Variants in THADA observed in about 807,000 individuals in gnomAD.
THADA encodes the protein THADA armadillo repeat containing, also known as tRNA (32-2'-O)-methyltransferase regulator THADA.
In THADA, 213 loss-of-function variants were observed where a neutral mutation model predicts 219.8. The observed-to-expected ratio is 0.97, with a 90% CI of 0.87 to 1.09. THADA has a LOEUF of 1.09. Among genes scored for constraint, THADA ranks in the 50% least tolerant of loss-of-function variants. THADA has a pLI of 0.00. For missense variants in THADA, 2,956 were observed against 2,311.3 expected (o/e 1.28, Z -5.72); for synonymous variants, 1,018 against 828.9 (o/e 1.23, Z -3.92).
chr2:43,422,601 T>G (rs1677854030), intron 28 of THADA, among the ~76,000 whole-genome samples: 1 of 152,252 alleles, frequency 6.6e-6, no homozygotes, highest in South Asian at 2.1e-4. Flanking sequence ...AAAACTGCTA[T>G]GAAGCCAGAT....
Position 43,340,799 on chromosome 2 carries a change from G to A in THADA, c.4343+3323C>T, listed in dbSNP as rs553711769. Among the ~76,000 whole-genome samples, 355 of 152,262 alleles carry A rather than the reference G, an allele frequency of 2.3e-3. 2 individuals are homozygous for A. Among genetic ancestry groups the A allele is most frequent in the Non-Finnish European group, 4.1e-3 (279 of 68,012 alleles). On this transcript the variant is annotated intron_variant, in intron 30 of 37. Transcript: ENST00000405975. Reference sequence around the variant, plus strand: ...TGCACTGTAATATCTTCATGGGAAAGGCAGGTGAGAAAGTAAAGACAGGGG... The same window carrying A: ...TGCACTGTAATATCTTCATGGGAAAAGCAGGTGAGAAAGTAAAGACAGGGG...
At chr2:43,339,801 G>C (rs1666875117) in intron 30 of THADA, among the ~76,000 whole-genome samples, 2 of 152,174 alleles carry the variant, frequency 1.3e-5, no homozygotes, top group South Asian at 4.1e-4. Flanking sequence ...GAATCTGCAA[G>C]CAGCAAGGGT....
At chr2:43,566,226 A>G (rs954363631) in intron 15 of THADA, 1 of 449,816 alleles carries the variant, frequency 2.2e-6, no homozygotes, top group African/African-American at 2.0e-5. Flanking sequence ...AAATCAGAAT[A>G]CTTGGAAATT....
At chr2:43,417,037 C>CTT (rs67993873) in intron 28 of THADA, among the ~76,000 whole-genome samples, 9,516 of 93,450 alleles carry the variant, frequency 0.1, 365 homozygotes, top group Non-Finnish European at 0.12. Flanking sequence ...TGGCTGTTTT[C>CTT]TTTTTTTTTT....
chr2:43,360,792 T>C (rs1373843990), intron 29 of THADA, among the ~76,000 whole-genome samples: 3 of 152,218 alleles, frequency 2.0e-5, no homozygotes, highest in East Asian at 1.9e-4. Flanking sequence ...GAAGTTGTTA[T>C]GGATTTTCCA....
chr2:43,534,633 G>A (rs79676808), intron 21 of THADA, among the ~76,000 whole-genome samples: 2,995 of 152,168 alleles, frequency 0.02, 110 homozygotes, highest in African/African-American at 0.068. Context: ...ATGTAGCTGC[G>A]AATGACAGTA....
At chr2:43,547,397 G>C (rs1382765457) in intron 20 of THADA, among the ~76,000 whole-genome samples, 2 of 152,262 alleles carry the variant, frequency 1.3e-5, no homozygotes, top group East Asian at 3.9e-4. Flanking sequence ...TGTATTTCCT[G>C]AATCTGAATG....
chr2:43,351,634 G>A lies in THADA; in HGVS notation c.4228-7397C>T, dbSNP rs373301844. On this transcript the variant is annotated intron_variant, in intron 29 of 37. Coordinates refer to ENST00000405975, the MANE Select transcript of THADA (RefSeq NM_022065.5). ...ATACTATCCTTTTCTAGAGTATAGA[G>A]CTCTTTATCTGGCAGGGAGAGGGGC... Among the ~76,000 whole-genome samples the A allele has an allele frequency of 1.1e-3, 160 of 152,280 alleles. 1 individual carries two copies. Among genetic ancestry groups the A allele is most frequent in the African/African-American group, 3.7e-3 (152 of 41,558 alleles).
At chr2:43,583,829 G>A (rs762290845) in intron 7 of THADA, among the ~76,000 whole-genome samples, 6 of 151,978 alleles carry the variant, frequency 3.9e-5, no homozygotes, top group African/African-American at 7.2e-5. Context: ...GACTGCTTGC[G>A]CTTAAGAGTT....
intron 28 of THADA, among the ~76,000 whole-genome samples, chr2:43,427,213 CT>C (rs1405638451): frequency 6.6e-6 from 1 of 152,196 alleles, no homozygotes; most frequent in East Asian, 1.9e-4. Flanking sequence ...GGCAGATGTC[CT>C]GACATCCTCT....
intron 29 of THADA, among the ~76,000 whole-genome samples, chr2:43,388,630 G>C (rs1173080555): frequency 6.6e-6 from 1 of 152,176 alleles, no homozygotes; most frequent in Non-Finnish European, 1.5e-5. Context: ...CAACCTGATA[G>C]GCAAGAACTC....
intron 29 of THADA, among the ~76,000 whole-genome samples, chr2:43,385,259 C>T (rs955422105): frequency 1.3e-5 from 2 of 152,242 alleles, no homozygotes; most frequent in South Asian, 4.1e-4. Flanking sequence ...GAAACTGAAA[C>T]TGCATTTCAG....
rs182043881 is a variant in THADA, at chr2:43,261,779, G to A, written c.5296+17986C>T. ...AGCCTCCCACGTAGCTGAGATTACA[G>A]GCGCATGCCACCATGCCCAGCTAAT... On this transcript the variant is annotated intron_variant, in intron 36 of 37. Transcript: ENST00000405975. Among the ~76,000 whole-genome samples, 23 of 152,142 alleles carry A rather than the reference G, an allele frequency of 1.5e-4. No homozygotes were observed. The East Asian group carries it at 4.3e-3, about 28-fold the overall frequency.
Position 43,574,674 on chromosome 2 carries a change from C to T in THADA, c.1391G>A (p.Cys464Tyr). The T allele has an allele frequency of 1.2e-6, 2 of 1,614,024 alleles. No homozygotes were observed. Among genetic ancestry groups the T allele is most frequent in the Non-Finnish European group, 1.7e-6 (2 of 1,179,892 alleles). The stretch of plus-strand genomic sequence containing the variant: ...AGCCAAAATATGTTCAACTCCTATG[C>T]ACTCTACCAAACAACCAAGGCACGT... ...KYTCLGCLVE[C>Y]IGVEHILAID... is the part of the protein sequence containing the mutation. The change falls in exon 11 of 38, where the codon TGC (cysteine) becomes TAC (tyrosine). Residue 464 changes from cysteine (C) to tyrosine (Y), a missense_variant. Cys to Tyr is a radical substitution (Grantham distance 194). Transcript: ENST00000405975.
chr2:43,259,556 G>A (rs1203268255), intron 36 of THADA, among the ~76,000 whole-genome samples: 1 of 152,182 alleles, frequency 6.6e-6, no homozygotes, highest in African/African-American at 2.4e-5. Context: ...GAGTTATAGA[G>A]AATAATAACA....
chr2:43,534,007 G>A (rs1694233439), intron 21 of THADA, among the ~76,000 whole-genome samples: 1 of 152,028 alleles, frequency 6.6e-6, no homozygotes, highest in Admixed American at 6.6e-5. Context: ...TAGTAATATG[G>A]ATGAATATAA....
chr2:43,455,526 AC>A (rs1682882949), intron 26 of THADA, among the ~76,000 whole-genome samples: 1 of 151,944 alleles, frequency 6.6e-6, no homozygotes, highest in Non-Finnish European at 1.5e-5. Context: ...TCTCACACAC[AC>A]ACACACACAC....
intron 31 of THADA, among the ~76,000 whole-genome samples, chr2:43,308,022 C>A (rs1677059289): frequency 6.7e-6 from 1 of 149,318 alleles, no homozygotes; most frequent in Admixed American, 6.7e-5. Context: ...TAGAGATGAA[C>A]AATACAGTAT....
chr2:43,290,812 GT>G, intron 34 of THADA, among the ~76,000 whole-genome samples: 1 of 151,716 alleles, frequency 6.6e-6, no homozygotes, highest in East Asian at 1.9e-4. Flanking sequence ...GTGCTATCTT[GT>G]ATGCACCTAA....
Sources: gnomAD v4.1 joint callset for allele counts (sites outside exome capture counted in the v4.1 genomes callset) on GRCh38, gnomAD v4.1.1 for gene constraint, MANE v1.5 for transcripts, NCBI Gene and HGNC (gene_info 2026-07-23, HGNC 2026-07-21) for gene names.